Variants in ARHGAP26 observed in about 807,000 individuals in gnomAD.
ARHGAP26 encodes Rho GTPase activating protein 26.
A neutral mutation model predicts 104.8 loss-of-function variants in ARHGAP26; 38 were observed. That is an observed-to-expected ratio of 0.36 (90% CI 0.28 to 0.48). ARHGAP26 has a LOEUF of 0.48. Among genes scored for constraint, ARHGAP26 ranks in the 20% least tolerant of loss-of-function variants. The probability of loss-of-function intolerance (pLI) is 0.99; values close to 1 mark genes in which losing one functional copy is unlikely to be tolerated. For synonymous variants in ARHGAP26, 341 were observed against 340.0 expected (o/e 1.00, Z -0.03); for missense variants, 704 against 947.9 (o/e 0.74, Z 3.38).
At chr5:142,904,495 G>A (rs1439981871) in intron 8 of ARHGAP26, among the ~76,000 whole-genome samples, 1 of 150,378 alleles carries the variant, frequency 6.6e-6, no homozygotes, top group African/African-American at 2.5e-5. Context: ...CTCCAGCCTG[G>A]GTGACAGAGC....
At chr5:142,808,377 A>G (rs1342831281) in intron 1 of ARHGAP26, among the ~76,000 whole-genome samples, 1 of 150,250 alleles carries the variant, frequency 6.7e-6, no homozygotes, top group African/African-American at 2.4e-5. Flanking sequence ...CAATCATCTA[A>G]TTGGTGTCAA....
At chr5:142,917,477 G>A (rs755692976) in intron 10 of ARHGAP26, among the ~76,000 whole-genome samples, 12 of 152,134 alleles carry the variant, frequency 7.9e-5, no homozygotes, top group Non-Finnish European at 1.8e-4. Context: ...AGTTGCATTT[G>A]GCATTGTAAA....
chr5:142,847,673 A>G (rs761325711), intron 1 of ARHGAP26, among the ~76,000 whole-genome samples: 2 of 152,218 alleles, frequency 1.3e-5, no homozygotes, highest in Admixed American at 6.5e-5. Flanking sequence ...ATGATGTCTT[A>G]ACTGCCATTA....
chr5:142,895,809 A>G (rs1446243034), intron 6 of ARHGAP26, among the ~76,000 whole-genome samples: 1 of 152,174 alleles, frequency 6.6e-6, no homozygotes, highest in African/African-American at 2.4e-5. Context: ...ACTGGGCAAC[A>G]TAGTGAGACT....
Position 142,902,007 on chromosome 5 carries a change from T to C in ARHGAP26, c.670T>C (p.Phe224Leu), listed in dbSNP as rs775539127. Residue 224 changes from phenylalanine to leucine, a missense_variant, in exon 7 of 23, where the codon TTC (phenylalanine) becomes CTC (leucine). Coordinates refer to ENST00000645722, the MANE Select transcript of ARHGAP26 (RefSeq NM_001135608.3). ...CGAACTGGCCAAGGATTTCGGGGAC[T>C]TCAAGACACAGTTAACCATTAGCAT... ...GYELAKDFGD[F>L]KTQLTISIQN... is the part of the protein sequence containing the mutation. 1 of 1,613,938 alleles carries C rather than the reference T, an allele frequency of 6.2e-7. No individual in the cohort carries two copies. Among genetic ancestry groups the C allele is most frequent in the Admixed American group, 1.7e-5 (1 of 60,014 alleles).
At chr5:142,890,176 A>G (rs1455607187) in intron 5 of ARHGAP26, among the ~76,000 whole-genome samples, 2 of 112,846 alleles carry the variant, frequency 1.8e-5, no homozygotes, top group Non-Finnish European at 1.9e-5. Context: ...ATATATATAT[A>G]TATATATATA....
chr5:143,010,771 A>T (rs1778615272), intron 11 of ARHGAP26: 1 of 152,180 alleles, frequency 6.6e-6, no homozygotes, highest in Non-Finnish European at 1.5e-5. Flanking sequence ...TTTGGCACAA[A>T]TTCATCTCCT....
chr5:142,873,228 A>G (rs1232186620), intron 1 of ARHGAP26, among the ~76,000 whole-genome samples, 172 bp from the exon 2 acceptor site: 1 of 152,274 alleles, frequency 6.6e-6, no homozygotes, highest in African/African-American at 2.4e-5. Flanking sequence ...TCAGTGCTTC[A>G]TATTGTAACC....
rs146403439 is a variant in ARHGAP26, at chr5:143,140,103, T to C, written c.1837+5998T>C. ...TTAAAAATACAGATGCTTGGTCTCC[T>C]ACCCAGGATATTCTGAGTCAGGAGG... On this transcript the variant is annotated intron_variant, in intron 19 of 22. Coordinates refer to ENST00000645722, the MANE Select transcript of ARHGAP26 (RefSeq NM_001135608.3). Among the ~76,000 whole-genome samples, 662 of 152,352 alleles carry C rather than the reference T, an allele frequency of 4.3e-3. 3 individuals are homozygous for C. The highest frequency in any genetic ancestry group is 0.017 in the Middle Eastern group (5 of 294).
At chr5:142,882,099 T>C (rs1403851759) in intron 4 of ARHGAP26, among the ~76,000 whole-genome samples, 2 of 152,220 alleles carry the variant, frequency 1.3e-5, no homozygotes, top group African/African-American at 4.8e-5. Flanking sequence ...GACTCTAGAA[T>C]AAGTATAACA....
chr5:143,126,258 C>G (rs1225161348), intron 18 of ARHGAP26, among the ~76,000 whole-genome samples: 1 of 152,154 alleles, frequency 6.6e-6, no homozygotes, highest in Non-Finnish European at 1.5e-5. Flanking sequence ...CAGCATTAAT[C>G]AAGTTGTTTG....
rs1811783725 is a variant in ARHGAP26 at position 143,227,805 on chromosome 5, C to T, written c.*5359C>T. ...GAGAGAAAGAGAAAGGTGAACCATC[C>T]TAAGGAGCTTTGGATACTTTTTTAG... On this transcript the variant is annotated 3_prime_UTR_variant, in exon 23 of 23. Coordinates refer to ENST00000645722, the MANE Select transcript of ARHGAP26 (RefSeq NM_001135608.3). 1 of 222,820 alleles carries T rather than the reference C, an allele frequency of 4.5e-6. No individual in the cohort carries two copies. The highest frequency in any genetic ancestry group is 1.8e-4 in the South Asian group (1 of 5,428). The allele number at this position is 222,820 out of a possible 1,614,324, so 13.8% of individuals were successfully genotyped here. A position where few individuals can be genotyped will look rare whatever the true frequency, so the allele number is the denominator to read the frequency against.
chr5:143,216,130 G>A (rs1810316509), intron 22 of ARHGAP26: 1 of 471,092 alleles, frequency 2.1e-6, no homozygotes, highest in Non-Finnish European at 4.4e-6. Flanking sequence ...GCATAAAGGG[G>A]GAAAAAGGAA....
intron 1 of ARHGAP26, among the ~76,000 whole-genome samples, chr5:142,841,545 T>C (rs1383025854): frequency 2.0e-5 from 3 of 152,202 alleles, no homozygotes; most frequent in African/African-American, 7.2e-5. Context: ...GACTGTTTAG[T>C]CACACTGAGT....
At chr5:143,117,391 C>T (rs1353618720) in intron 17 of ARHGAP26, among the ~76,000 whole-genome samples, 1 of 152,102 alleles carries the variant, frequency 6.6e-6, no homozygotes, top group East Asian at 1.9e-4. Flanking sequence ...GTCCGGGATA[C>T]ATAGAGATCT....
At chr5:143,086,357 G>A (rs888473310) in intron 17 of ARHGAP26, among the ~76,000 whole-genome samples, 1 of 150,298 alleles carries the variant, frequency 6.7e-6, no homozygotes, top group Admixed American at 6.6e-5. Flanking sequence ...TTTATTTTTA[G>A]AGTCTTATAC....
chr5:143,092,299 G>A (rs1342040744), intron 17 of ARHGAP26, among the ~76,000 whole-genome samples: 2 of 151,888 alleles, frequency 1.3e-5, no homozygotes, highest in Non-Finnish European at 2.9e-5. Flanking sequence ...GAGCAGCTGG[G>A]ACTACAGGCA....
chr5:143,103,521 A>G (rs1562430750), intron 17 of ARHGAP26, among the ~76,000 whole-genome samples: 1 of 152,224 alleles, frequency 6.6e-6, no homozygotes. Context: ...ACTGTTCACA[A>G]TAGCAAAGAC....
At chr5:143,054,195 C>G (rs1428982659) in intron 14 of ARHGAP26, among the ~76,000 whole-genome samples, 1 of 152,172 alleles carries the variant, frequency 6.6e-6, no homozygotes, top group African/African-American at 2.4e-5. Context: ...CTTCTCAAAA[C>G]TCTTGCATTT....
Sources: allele counts gnomAD v4.1 joint callset (sites outside exome capture counted in the v4.1 genomes callset), GRCh38; gene constraint gnomAD v4.1.1; transcripts MANE v1.5; gene names NCBI Gene and HGNC (gene_info 2026-07-23, HGNC 2026-07-21).